The following NOL4L variants were observed in gnomAD, a reference collection of about 807,000 sequenced individuals.
The protein encoded by NOL4L is nucleolar protein 4 like, also known as nucleolar protein 4-like.
In NOL4L, 7 loss-of-function variants were observed where a neutral mutation model predicts 64.5. The ratio of observed to expected loss-of-function variants is 0.11; its 90% CI spans 0.06 to 0.20. The LOEUF is 0.20. Among genes scored for constraint, NOL4L ranks in the 10% least tolerant of loss-of-function variants. The probability of loss-of-function intolerance (pLI) is 1.00; values close to 1 mark genes in which losing one functional copy is unlikely to be tolerated. For synonymous variants in NOL4L, 413 were observed against 401.0 expected (o/e 1.03, Z -0.36); for missense variants, 680 against 967.1 (o/e 0.70, Z 3.94).
At chr20:32,540,154 T>C (rs2018628334) in intron 1 of NOL4L, among the ~76,000 whole-genome samples, 1 of 152,204 alleles carries the variant, frequency 6.6e-6, no homozygotes, top group Admixed American at 6.5e-5. Flanking sequence ...CCTCTGCACG[T>C]GCCTGTCCTG....
intron 1 of NOL4L, among the ~76,000 whole-genome samples, chr20:32,553,134 G>A (rs538171505): frequency 1.3e-5 from 2 of 152,268 alleles, no homozygotes; most frequent in Admixed American, 6.5e-5. Flanking sequence ...CAAATCCTGT[G>A]GCGCGCCCTT....
intron 5 of NOL4L, among the ~76,000 whole-genome samples, chr20:32,468,243 C>T (rs909954227): frequency 6.6e-5 from 10 of 152,206 alleles, no homozygotes; most frequent in African/African-American, 2.2e-4. Flanking sequence ...TCCATCCTCC[C>T]AGAACCCTTC....
chr20:32,542,456 C>CA (rs2018671755), intron 1 of NOL4L, among the ~76,000 whole-genome samples: 2 of 152,198 alleles, frequency 1.3e-5, no homozygotes, highest in Admixed American at 6.5e-5. Flanking sequence ...AAGGCTTAAG[C>CA]AATCCTCCCA....
intron 1 of NOL4L, among the ~76,000 whole-genome samples, chr20:32,565,855 C>T (rs1191078806): frequency 6.6e-6 from 1 of 151,866 alleles, no homozygotes; most frequent in Non-Finnish European, 1.5e-5. Context: ...CATGGCAAGA[C>T]CCCGTCTCTA....
intron 4 of NOL4L, among the ~76,000 whole-genome samples, chr20:32,494,806 G>A (rs1327477282): frequency 6.6e-6 from 1 of 152,210 alleles, no homozygotes; most frequent in Non-Finnish European, 1.5e-5. Context: ...ACATCACAGA[G>A]ACACCAACCC....
At position 32,447,135 on chromosome 20, in the gene NOL4L, AAC is replaced by A. The variant is rs1005251508; in HGVS notation, c.*459_*460del. The A allele has an allele frequency of 9.3e-6, 4 of 428,750 alleles. No individual in the cohort carries two copies. The highest frequency in any genetic ancestry group is 1.9e-5 in the Non-Finnish European group (4 of 214,950). 26.6% of individuals were successfully genotyped at this position (428,750 alleles called of 1,614,324 possible). On this transcript the variant is annotated 3_prime_UTR_variant, in exon 11 of 11. Transcript: ENST00000621426. ...CAGACACAGACTAGCAATCTGTACA[AAC>A]ACAAAAGAATCCATTTTCAGAAAAA... is the stretch of plus-strand genomic sequence containing the variant.
intron 1 of NOL4L, chr20:32,532,219 C>T (rs2018370050): frequency 7.3e-6 from 2 of 273,948 alleles, no homozygotes; most frequent in African/African-American, 4.6e-5. Context: ...AAATTTGGGT[C>T]CTGTAATCCA....
At chr20:32,488,729 TTTC>T (rs2016205671) in intron 4 of NOL4L, among the ~76,000 whole-genome samples, 1 of 151,574 alleles carries the variant, frequency 6.6e-6, no homozygotes, top group African/African-American at 2.4e-5. Flanking sequence ...TTTTTCTTTC[TTTC>T]TTTTCTTTCT....
Position 32,514,064 on chromosome 20 carries a change from C to T in NOL4L, c.590-2608G>A, listed in dbSNP as rs116345554. Among the ~76,000 whole-genome samples, 626 of 152,272 alleles carry T rather than the reference C, an allele frequency of 4.1e-3. 4 individuals are homozygous for T. Among genetic ancestry groups the T allele is most frequent in the African/African-American group, 0.014 (591 of 41,542 alleles). ...CCTAGAGGATGGGGGTCCTCTTTGA[C>T]GCTGTGTACTTCTGGTGACTTTATA... is the stretch of plus-strand genomic sequence containing the variant. On this transcript the variant is annotated intron_variant, in intron 3 of 10. Transcript: ENST00000621426.
intron 5 of NOL4L, among the ~76,000 whole-genome samples, chr20:32,458,454 T>C (rs1190591744): frequency 6.6e-6 from 1 of 152,190 alleles, no homozygotes; most frequent in South Asian, 2.1e-4. Context: ...TCCCTTCCCC[T>C]GGCCCAGGGT....
chr20:32,509,662 G>GTCT (rs2017304427), intron 4 of NOL4L: 1 of 949,784 alleles, frequency 1.1e-6, no homozygotes, highest in South Asian at 1.6e-5. Context: ...CTAACCCATA[G>GTCT]TCTTAACTCC....
At chr20:32,474,531 T>C in intron 5 of NOL4L, 70 bp downstream of exon 5, 1 of 1,537,124 alleles carries the variant, frequency 6.5e-7, no homozygotes, top group Admixed American at 1.9e-5. Flanking sequence ...TCCACACCTC[T>C]CACCTGAGGA....
chr20:32,470,864 G>A (rs1654191116), intron 5 of NOL4L, among the ~76,000 whole-genome samples: 1 of 152,238 alleles, frequency 6.6e-6, no homozygotes. Flanking sequence ...CCCTGCCAAA[G>A]GGGAGAGAGG....
chr20:32,480,337 T>C (rs558815428), intron 4 of NOL4L, among the ~76,000 whole-genome samples: 1 of 152,312 alleles, frequency 6.6e-6, no homozygotes, highest in South Asian at 2.1e-4. Flanking sequence ...GAGCCCTGGG[T>C]GTGTGTTTCA....
At chr20:32,501,819 C>T (rs538039685) in intron 4 of NOL4L, among the ~76,000 whole-genome samples, 24 of 152,028 alleles carry the variant, frequency 1.6e-4, no homozygotes, top group Admixed American at 5.9e-4. Flanking sequence ...AAAATGACAA[C>T]ACACACAGCA....
chr20:32,487,934 A>ATTT lies in NOL4L; in HGVS notation c.700-13195_700-13193dup, dbSNP rs36085049. On this transcript the variant is annotated intron_variant, in intron 4 of 10. Coordinates refer to ENST00000621426, the MANE Select transcript of NOL4L (RefSeq NM_001256798.2). The stretch of plus-strand genomic sequence containing the variant: ...TCCACAGTTTTTGTTTGTTGGTTTT[A>ATTT]TTTTTTTTTTTTTTTGACCAAATCT... Among the ~76,000 whole-genome samples, 400 of 105,976 alleles carry ATTT rather than the reference A, an allele frequency of 3.8e-3. 3 individuals are homozygous for ATTT. The highest frequency in any genetic ancestry group is 0.013 in the African/African-American group (383 of 28,690). 69.5% of individuals were successfully genotyped at this position (105,976 alleles called of 152,430 possible). A position where few individuals can be genotyped will look rare whatever the true frequency, so the allele number is the denominator to read the frequency against.
chr20:32,509,805 C>T (rs2017311973), intron 4 of NOL4L: 2 of 1,303,512 alleles, frequency 1.5e-6, no homozygotes, highest in African/African-American at 1.5e-5. Context: ...GGATTTAGTG[C>T]CATTCTGTAT....
intron 1 of NOL4L, among the ~76,000 whole-genome samples, chr20:32,539,412 G>A (rs1050378770): frequency 3.3e-5 from 5 of 152,182 alleles, no homozygotes; most frequent in Admixed American, 2.0e-4. Context: ...CTGGATTCCA[G>A]GCCTCACTCA....
intron 1 of NOL4L, among the ~76,000 whole-genome samples, chr20:32,561,966 G>C (rs1979048703): frequency 6.6e-6 from 1 of 152,098 alleles, no homozygotes; most frequent in Non-Finnish European, 1.5e-5. Context: ...TCCAGCCTGG[G>C]TGACAGAGTG....
Sources: allele counts gnomAD v4.1 joint callset (sites outside exome capture counted in the v4.1 genomes callset), GRCh38; gene constraint gnomAD v4.1.1; transcripts MANE v1.5; gene names NCBI Gene and HGNC (gene_info 2026-07-23, HGNC 2026-07-21).